ANK3: variants seen among roughly 807,000 people sequenced by gnomAD.
ANK3 encodes ankyrin-3.
A neutral mutation model predicts 370.9 loss-of-function variants in ANK3; 57 were observed. The ratio of observed to expected loss-of-function variants is 0.15; its 90% CI spans 0.12 to 0.19. ANK3 has a LOEUF of 0.19. Ranked by LOEUF, ANK3 falls within the 10% of genes least tolerant of loss-of-function variation. ANK3 has a pLI of 1.00. For synonymous variants in ANK3, 1,929 were observed against 1,946.3 expected (o/e 0.99, Z 0.23); for missense variants, 4,439 against 5,302.1 (o/e 0.84, Z 5.06).
At position 60,071,470 on chromosome 10, in the gene ANK3, C is replaced by T. The variant is rs777814113; in HGVS notation, c.9411G>A (p.Gln3137=). The change falls in exon 37 of 44, where the codon CAG becomes CAA. Residue 3137 remains glutamine, a synonymous_variant. Coordinates refer to ENST00000280772, the MANE Select transcript of ANK3 (RefSeq NM_020987.5). ...CTTGGGGAGAAGGAGGTTGCTTTTG[C>T]TGTCTAGTTGTATAAAAGGTCCCCC... is the stretch of plus-strand genomic sequence containing the variant. ...ETRGTFYTTR[Q]QKQPPSPQGS... is the part of the protein sequence containing the mutation. 6.2e-7 allele frequency: 1 copy of T among 1,613,934 alleles called. No homozygotes were observed. Among genetic ancestry groups the T allele is most frequent in the South Asian group, 1.1e-5 (1 of 91,062 alleles).
At chr10:60,301,132 AT>A (rs2043624158) in intron 1 of ANK3, among the ~76,000 whole-genome samples, 1 of 147,898 alleles carries the variant, frequency 6.8e-6, no homozygotes, top group Non-Finnish European at 1.5e-5. Context: ...CGATATATAT[AT>A]ATATATATAT....
At position 60,371,018 on chromosome 10, in the gene ANK3, C is replaced by T. The variant is rs966460968; in HGVS notation, c.114+18407G>A. On this transcript the variant is annotated intron_variant, in intron 1 of 43. Transcript: ENST00000280772. The stretch of plus-strand genomic sequence containing the variant: ...ATTGGTTACAGACACTCACACATGA[C>T]ATCACTGACAGGTTCTTTCGGGATC... Among the ~76,000 whole-genome samples the T allele has an allele frequency of 2.6e-5, 4 of 152,158 alleles. No homozygotes were observed. The East Asian group carries it at 7.7e-4, about 29-fold the overall frequency.
At chr10:60,056,076 G>A (rs770294933) in intron 41 of ANK3, 40 bp from the exon 42 acceptor site, 1 of 1,564,704 alleles carries the variant, frequency 6.4e-7, no homozygotes, top group East Asian at 2.2e-5. Context: ...GGCAAACTAT[G>A]ACTGAATATA....
In ANK3 at chr10:60,026,883, G is replaced by C. The variant is rs2072428884; in HGVS notation, c.*2963C>G. On this transcript the variant is annotated 3_prime_UTR_variant, in exon 44 of 44. Coordinates refer to ENST00000280772, the MANE Select transcript of ANK3 (RefSeq NM_020987.5). ...TCTCAATCATAATTCATTTTTTACAGTAATGTCAATCAATGAAAAGCTTAA... is the reference window on the plus strand; with the variant it reads ...TCTCAATCATAATTCATTTTTTACACTAATGTCAATCAATGAAAAGCTTAA... The C allele has an allele frequency of 6.6e-6, 1 of 152,122 alleles. No homozygotes were observed. The highest frequency in any genetic ancestry group is 2.4e-5 in the African/African-American group (1 of 41,418). 9.4% of individuals were successfully genotyped at this position (152,122 alleles called of 1,614,324 possible).
chr10:60,464,853 T>C (rs2064973089), intron 2 of ANK3, among the ~76,000 whole-genome samples: 1 of 152,182 alleles, frequency 6.6e-6, no homozygotes, highest in East Asian at 1.9e-4. Flanking sequence ...TAAAAACATT[T>C]CCTTAGCCTG....
chr10:60,048,377 C>T (rs1387851719), intron 42 of ANK3, among the ~76,000 whole-genome samples: 1 of 152,170 alleles, frequency 6.6e-6, no homozygotes, highest in Non-Finnish European at 1.5e-5. Context: ...TTCTGTGCTG[C>T]TGAAAAGATC....
At chr10:60,611,403 T>C (rs2078199769) in intron 2 of ANK3, among the ~76,000 whole-genome samples, 1 of 152,120 alleles carries the variant, frequency 6.6e-6, no homozygotes, top group South Asian at 2.1e-4. Context: ...GAAGGCAGTC[T>C]CCCCACATAC....
chr10:60,486,553 C>T (rs550054679), intron 2 of ANK3, among the ~76,000 whole-genome samples: 1 of 152,280 alleles, frequency 6.6e-6, no homozygotes, highest in South Asian at 2.1e-4. Context: ...GCACTGCAGC[C>T]TGGGTAGCAG....
rs748497054 is a variant in ANK3 at position 60,070,819 on chromosome 10, A to G, written c.10062T>C (p.Ala3354=). 36 of 1,614,100 alleles carry G rather than the reference A, an allele frequency of 2.2e-5. No individual in the cohort carries two copies. Among genetic ancestry groups the G allele is most frequent in the Non-Finnish European group, 2.7e-5 (32 of 1,180,016 alleles). ...TACTTTCCAGTTCTTTCTGGTTGGA[A>G]GCCTTTTCAGCAGAAGCTTTGGGTT... ...KEKPKASAEK[A]SNQKELESNG... The change falls in exon 37 of 44, where the codon GCT becomes GCC. Residue 3354 remains alanine (A), a synonymous_variant. Transcript: ENST00000280772. The surrounding 1 kb of genome is among the most constrained non-coding windows in gnomAD (Gnocchi z 5.7).
chr10:60,263,478 T>A (rs1007281100), intron 6 of ANK3, among the ~76,000 whole-genome samples: 1 of 152,196 alleles, frequency 6.6e-6, no homozygotes, highest in Non-Finnish European at 1.5e-5. Flanking sequence ...AACCAGAGGT[T>A]TGTTTGTGTA....
rs1000606940 is a variant in ANK3, at chr10:60,027,447, C to G, written c.*2399G>C. The stretch of plus-strand genomic sequence containing the variant: ...CTTTATGCAAAGTAGATTATCCGTG[C>G]ATTTCTTCTGCATTGATAGTGAATC... On this transcript the variant is annotated 3_prime_UTR_variant, in exon 44 of 44. Coordinates refer to ENST00000280772, the MANE Select transcript of ANK3 (RefSeq NM_020987.5). 7 of 152,224 alleles carry G rather than the reference C, an allele frequency of 4.6e-5. No homozygotes were observed. The highest frequency in any genetic ancestry group is 3.4e-3 in the Middle Eastern group (1 of 294). 9.4% of individuals were successfully genotyped at this position (152,224 alleles called of 1,614,324 possible). A position where few individuals can be genotyped will look rare whatever the true frequency, so the allele number is the denominator to read the frequency against.
At chr10:60,439,164 G>C (rs1218314904) in intron 2 of ANK3, among the ~76,000 whole-genome samples, 1 of 152,132 alleles carries the variant, frequency 6.6e-6, no homozygotes, top group Non-Finnish European at 1.5e-5. Context: ...AGCCTTTCAA[G>C]GTGAATTTTG....
intron 2 of ANK3, among the ~76,000 whole-genome samples, chr10:60,427,731 T>G (rs922703934): frequency 6.6e-6 from 1 of 152,066 alleles, no homozygotes; most frequent in Non-Finnish European, 1.5e-5. Flanking sequence ...GGTGGGTTAT[T>G]AAAAAAGGTA....
At chr10:60,342,011 C>T (rs892420485) in intron 1 of ANK3, among the ~76,000 whole-genome samples, 3 of 151,994 alleles carry the variant, frequency 2.0e-5, no homozygotes, top group Non-Finnish European at 2.9e-5. Flanking sequence ...GGTTTGGAAG[C>T]GAACCAAATT....
At chr10:60,632,328 T>C (rs1404773960) in intron 1 of ANK3, among the ~76,000 whole-genome samples, 3 of 152,194 alleles carry the variant, frequency 2.0e-5, no homozygotes, top group Non-Finnish European at 4.4e-5. Flanking sequence ...CACTTACATA[T>C]AGTTTTTAGA....
At chr10:60,557,682 T>C (rs572728248) in intron 2 of ANK3, among the ~76,000 whole-genome samples, 34 of 152,318 alleles carry the variant, frequency 2.2e-4, no homozygotes, top group Admixed American at 7.8e-4. Flanking sequence ...ATGTTATGAG[T>C]ATTTTGTCAC....
chr10:60,421,451 A>G (rs2063777316), intron 2 of ANK3, among the ~76,000 whole-genome samples: 1 of 152,054 alleles, frequency 6.6e-6, no homozygotes, highest in African/African-American at 2.4e-5. Flanking sequence ...TGACACAATG[A>G]GAGTGGGGAG....
At chr10:60,628,754 C>T (rs1001290135) in intron 1 of ANK3, among the ~76,000 whole-genome samples, 5 of 152,122 alleles carry the variant, frequency 3.3e-5, no homozygotes, top group East Asian at 3.9e-4. Flanking sequence ...TAAAAAAAAT[C>T]GTTAATATAC....
intron 23 of ANK3, among the ~76,000 whole-genome samples, chr10:60,166,332 G>A (rs1205984182): frequency 1.3e-5 from 2 of 152,064 alleles, no homozygotes; most frequent in African/African-American, 4.8e-5. Flanking sequence ...GAAACAAAGA[G>A]AAGGCAAGTA....
Sources: allele counts gnomAD v4.1 joint callset (sites outside exome capture counted in the v4.1 genomes callset), GRCh38; gene constraint gnomAD v4.1.1; non-coding constraint Gnocchi (gnomAD v3.1); transcripts MANE v1.5; gene names NCBI Gene and HGNC (gene_info 2026-07-23, HGNC 2026-07-21).